The following LMNTD1 variants were observed in gnomAD, a reference collection of about 807,000 sequenced individuals.
The protein encoded by LMNTD1 is lamin tail domain-containing protein 1.
Under a neutral mutation model 50.9 loss-of-function variants are expected in LMNTD1, and 35 were observed. The ratio of observed to expected loss-of-function variants is 0.69; its 90% confidence interval spans 0.53 to 0.91. LMNTD1 has a LOEUF of 0.91. Ranked by LOEUF, LMNTD1 falls within the 40% of genes least tolerant of loss-of-function variation. LMNTD1 has a pLI of 0.00. For synonymous variants in LMNTD1, 153 were observed against 161.9 expected, an observed-to-expected ratio of 0.94 and a Z score of 0.42; for missense variants, 470 against 475.5, an observed-to-expected ratio of 0.99 and a Z score of 0.11.
At chr12:25,521,080 G>A (rs1941284774) in intron 6 of LMNTD1, among the ~76,000 whole-genome samples, 1 of 152,104 alleles carries the variant, frequency 6.6e-6, no homozygotes, top group Non-Finnish European at 1.5e-5. Context: ...CTATTGAGTT[G>A]TAAGAGTTCC....
chr12:25,553,098 C>T lies in LMNTD1; in HGVS notation c.-60G>A, dbSNP rs1314533766. 6.2e-7 allele frequency: 1 copy of T among 1,613,496 alleles called. No homozygotes were observed. Among genetic ancestry groups the T allele is most frequent in the Non-Finnish European group, 8.5e-7 (1 of 1,179,916 alleles). ...TAATCCAACTACCTTCAAGCATCAG[C>T]TAGGTTTAATAATTTCTTTACCAAA... On this transcript the variant is annotated 5_prime_UTR_variant, in exon 1 of 10. Coordinates refer to ENST00000458174, the MANE Select transcript of LMNTD1 (RefSeq NM_001145728.2).
chr12:25,622,677 G>C (rs142264133), intron 1 of LMNTD1, among the ~76,000 whole-genome samples: 1 of 152,080 alleles, frequency 6.6e-6, no homozygotes, highest in South Asian at 2.1e-4. Context: ...TACAAAAGAC[G>C]TGACAGCAAA....
chr12:25,537,686 G>A (rs1408673356), intron 4 of LMNTD1, among the ~76,000 whole-genome samples: 11 of 152,126 alleles, frequency 7.2e-5, no homozygotes, highest in Admixed American at 3.3e-4. Context: ...CCAAAGGAAC[G>A]CAGCTCCTCA....
rs564759676 is a variant in LMNTD1 at position 25,629,130 on chromosome 12, C to T, written c.58+19364G>A. Among the ~76,000 whole-genome samples, 11 of 152,160 alleles carry T rather than the reference C, an allele frequency of 7.2e-5. 1 individual carries two copies. The South Asian group carries it at 1.5e-3, about 20-fold the overall frequency. ...ATTAACTAAATCTTATTAGGAAAAGCGACTCTCTGGGATTCGAGCCATAAC... is the reference window on the plus strand; with the variant it reads ...ATTAACTAAATCTTATTAGGAAAAGTGACTCTCTGGGATTCGAGCCATAAC... On this transcript the variant is annotated intron_variant, in intron 1 of 7. Coordinates refer to the LMNTD1 transcript ENST00000445693.
At chr12:25,498,372 A>G (rs150993667) in intron 9 of LMNTD1, among the ~76,000 whole-genome samples, 1 of 152,282 alleles carries the variant, frequency 6.6e-6, no homozygotes, top group African/African-American at 2.4e-5. Flanking sequence ...CAAATTTTAG[A>G]TAAGTGTAGG....
intron 1 of LMNTD1, among the ~76,000 whole-genome samples, chr12:25,567,158 GA>G (rs1220164850): frequency 6.6e-6 from 1 of 152,208 alleles, no homozygotes; most frequent in Non-Finnish European, 1.5e-5. Flanking sequence ...GATAGAATAA[GA>G]AAATTCATGC....
intron 8 of LMNTD1, among the ~76,000 whole-genome samples, chr12:25,514,048 T>C (rs2135999888): frequency 1.3e-5 from 2 of 152,260 alleles, no homozygotes; most frequent in East Asian, 3.9e-4. Context: ...ATGTGAAACT[T>C]GATAAAAATG....
chr12:25,635,143 G>A (rs1450252338), intron 1 of LMNTD1, among the ~76,000 whole-genome samples: 5 of 151,860 alleles, frequency 3.3e-5, no homozygotes, highest in African/African-American at 4.8e-5. Flanking sequence ...TGGAGGCTGA[G>A]GGGGGAGAAT....
At chr12:25,490,769 T>A (rs149124342) in intron 9 of LMNTD1, among the ~76,000 whole-genome samples, 1 of 152,180 alleles carries the variant, frequency 6.6e-6, no homozygotes, top group African/African-American at 2.4e-5. Flanking sequence ...TAGTAATATA[T>A]GGAGATTTGT....
intron 9 of LMNTD1, among the ~76,000 whole-genome samples, chr12:25,479,387 A>G (rs544703551): frequency 1.3e-5 from 2 of 152,284 alleles, no homozygotes; most frequent in African/African-American, 4.8e-5. Flanking sequence ...TGGCTATGGG[A>G]GAAACAGTAC....
chr12:25,563,280 C>A (rs1258519727), intron 1 of LMNTD1, among the ~76,000 whole-genome samples: 1 of 152,174 alleles, frequency 6.6e-6, no homozygotes, highest in Non-Finnish European at 1.5e-5. Flanking sequence ...GTGGTTTTAT[C>A]TACCGTTAGT....
intron 9 of LMNTD1, among the ~76,000 whole-genome samples, chr12:25,482,753 G>C (rs1458895060): frequency 6.6e-6 from 1 of 151,942 alleles, no homozygotes; most frequent in Non-Finnish European, 1.5e-5. Flanking sequence ...TGCTGAGTTG[G>C]TGAGTGTGTT....
chr12:25,605,414 G>T (rs1448560542), intron 1 of LMNTD1, among the ~76,000 whole-genome samples: 1 of 152,092 alleles, frequency 6.6e-6, no homozygotes, highest in Non-Finnish European at 1.5e-5. Context: ...TGAAGTCCTT[G>T]CCCATGCCTA....
At chr12:25,495,890 G>A (rs1370334327) in intron 9 of LMNTD1, among the ~76,000 whole-genome samples, 1 of 152,130 alleles carries the variant, frequency 6.6e-6, no homozygotes, top group East Asian at 1.9e-4. Flanking sequence ...TACTTTCTAA[G>A]AGCACACTTC....
At chr12:25,587,360 C>T (rs1212661312) in intron 1 of LMNTD1, among the ~76,000 whole-genome samples, 2 of 152,242 alleles carry the variant, frequency 1.3e-5, no homozygotes, top group African/African-American at 4.8e-5. Flanking sequence ...AGCATGGTGC[C>T]AGTATCTGCT....
intron 1 of LMNTD1, among the ~76,000 whole-genome samples, chr12:25,582,802 T>C (rs1945350808): frequency 6.6e-6 from 1 of 152,184 alleles, no homozygotes; most frequent in African/African-American, 2.4e-5. Context: ...ACACCAAACC[T>C]ATACCTGAAA....
intron 4 of LMNTD1, among the ~76,000 whole-genome samples, chr12:25,542,513 T>C (rs1321903850): frequency 7.7e-6 from 1 of 130,446 alleles, no homozygotes; most frequent in African/African-American, 3.0e-5. Flanking sequence ...TAGGTGGGAA[T>C]TGAACAATGA....
chr12:25,489,119 T>G (rs927540103), intron 9 of LMNTD1, among the ~76,000 whole-genome samples: 3 of 152,058 alleles, frequency 2.0e-5, no homozygotes, highest in Non-Finnish European at 4.4e-5. Context: ...GAGCCTACAG[T>G]GGCAGGCAGG....
intron 1 of LMNTD1, among the ~76,000 whole-genome samples, chr12:25,624,091 G>C (rs1338987900): frequency 6.6e-6 from 1 of 152,162 alleles, no homozygotes; most frequent in Admixed American, 6.5e-5. Flanking sequence ...CTTATACTTG[G>C]ATTGGACCTC....
Sources: allele counts gnomAD v4.1 joint callset (sites outside exome capture counted in the v4.1 genomes callset), GRCh38; gene constraint gnomAD v4.1.1; transcripts MANE v1.5; gene names NCBI Gene and HGNC (gene_info 2026-07-23, HGNC 2026-07-21).